Variants in AKAP19 observed in about 807,000 individuals in gnomAD.
AKAP19 encodes small A-kinase anchoring protein.
the AKAP19 span, among the ~76,000 whole-genome samples, chr2:190,042,812 G>A: frequency 6.6e-6 from 1 of 152,210 alleles, no homozygotes; most frequent in South Asian, 2.1e-4. Context: ...GTATAAGTGT[G>A]TTAAGGTATT....
chr2:190,082,000 C>T, the AKAP19 span, among the ~76,000 whole-genome samples: 1 of 152,156 alleles, frequency 6.6e-6, no homozygotes. Context: ...ACTGATACAG[C>T]TATCCACCTG....
At chr2:190,115,567 C>T in the AKAP19 span, among the ~76,000 whole-genome samples, 1 of 150,658 alleles carries the variant, frequency 6.6e-6, no homozygotes, top group Non-Finnish European at 1.5e-5. Context: ...GATCCGCCCG[C>T]CTCGGCCTCC....
chr2:189,970,858 A>G, the AKAP19 span, among the ~76,000 whole-genome samples: 5 of 152,212 alleles, frequency 3.3e-5, no homozygotes, highest in Non-Finnish European at 7.3e-5. Flanking sequence ...TCAGACATTT[A>G]CAAATTTGTC....
chr2:190,023,196 C>A, the AKAP19 span, among the ~76,000 whole-genome samples: 2 of 152,054 alleles, frequency 1.3e-5, no homozygotes, highest in East Asian at 3.9e-4. Flanking sequence ...TTGTAAACTG[C>A]AAAATTATGT....
the AKAP19 span, among the ~76,000 whole-genome samples, chr2:190,115,673 GT>G: frequency 2.6e-5 from 4 of 152,120 alleles, no homozygotes; most frequent in African/African-American, 9.6e-5. Context: ...CCTTTCAAGG[GT>G]CTACTTCTCC....
the AKAP19 span, among the ~76,000 whole-genome samples, chr2:190,070,624 C>CGGTT: frequency 2.9e-5 from 4 of 137,014 alleles, no homozygotes; most frequent in African/African-American, 1.1e-4. Flanking sequence ...TCCCCCCCCC[C>CGGTT]TTTTTTTTTG....
the AKAP19 span, chr2:190,200,331 T>TTTCTGTTTAGTCTTAGATTTTAGTCATC: frequency 6.7e-6 from 4 of 596,518 alleles, no homozygotes; most frequent in Non-Finnish European, 6.0e-6. Context: ...TTAACAGCAA[T>TTTCTGTTTAGTCTTAGATTTTAGTCATC]TTCTGTTTAG....
At chr2:189,926,508 G>C in the AKAP19 span, among the ~76,000 whole-genome samples, 1 of 150,484 alleles carries the variant, frequency 6.6e-6, no homozygotes, top group Admixed American at 6.7e-5. Flanking sequence ...GGGTGGTCTC[G>C]ATCTGCTGAC....
chr2:190,152,118 G>A, the AKAP19 span, among the ~76,000 whole-genome samples: 2 of 151,998 alleles, frequency 1.3e-5, no homozygotes, highest in African/African-American at 4.8e-5. Context: ...GAGGTCAGGA[G>A]TTTGAGACCA....
At chr2:190,100,304 C>A in the AKAP19 span, among the ~76,000 whole-genome samples, 2 of 151,932 alleles carry the variant, frequency 1.3e-5, no homozygotes, top group African/African-American at 4.8e-5. Context: ...ATCATGCTGA[C>A]TATGTGGAAG....
At chr2:190,038,930 T>A in the AKAP19 span, among the ~76,000 whole-genome samples, 1 of 144,078 alleles carries the variant, frequency 6.9e-6, no homozygotes, top group South Asian at 2.2e-4. Context: ...TTCTTCTTCT[T>A]CTTCTTCTTC....
At chr2:190,013,276 T>G in the AKAP19 span, among the ~76,000 whole-genome samples, 1 of 152,200 alleles carries the variant, frequency 6.6e-6, no homozygotes, top group Non-Finnish European at 1.5e-5. Context: ...TTATTACTGA[T>G]TCAATCTCTT....
At chr2:189,999,905 A>C in the AKAP19 span, among the ~76,000 whole-genome samples, 2 of 152,324 alleles carry the variant, frequency 1.3e-5, no homozygotes, top group South Asian at 4.1e-4. Flanking sequence ...AAGCCTCTGA[A>C]CTAGTCTCGT....
the AKAP19 span, among the ~76,000 whole-genome samples, chr2:190,066,880 C>G: frequency 6.6e-6 from 1 of 152,090 alleles, no homozygotes; most frequent in Non-Finnish European, 1.5e-5. Flanking sequence ...TGGCACTATG[C>G]TAGATTCTGA....
the AKAP19 span, among the ~76,000 whole-genome samples, chr2:189,982,566 C>A: frequency 2.0e-5 from 3 of 151,818 alleles, no homozygotes; most frequent in Non-Finnish European, 4.4e-5. Flanking sequence ...GACACTTTGA[C>A]TTTTTGTACT....
At chr2:189,936,071 G>A in the AKAP19 span, among the ~76,000 whole-genome samples, 1 of 152,038 alleles carries the variant, frequency 6.6e-6, no homozygotes, top group African/African-American at 2.4e-5. Flanking sequence ...TAAAATAATG[G>A]ATATTTTCTA....
At chr2:190,175,769 A>C in the AKAP19 span, among the ~76,000 whole-genome samples, 1 of 152,238 alleles carries the variant, frequency 6.6e-6, no homozygotes, top group Non-Finnish European at 1.5e-5. Context: ...AGAGCTTTTA[A>C]GCATATCATG....
chr2:189,994,213 T>C, the AKAP19 span, among the ~76,000 whole-genome samples: 9 of 152,124 alleles, frequency 5.9e-5, no homozygotes. Flanking sequence ...GGTTTCACTA[T>C]GTTGGCCAGG....
At chr2:190,022,872 C>G in the AKAP19 span, among the ~76,000 whole-genome samples, 1 of 151,758 alleles carries the variant, frequency 6.6e-6, no homozygotes, top group Non-Finnish European at 1.5e-5. Flanking sequence ...TTTCATTATG[C>G]TGGTTCTAGG....
Sources: gnomAD v4.1 joint callset for allele counts (sites outside exome capture counted in the v4.1 genomes callset) on GRCh38, gnomAD v4.1.1 for gene constraint, MANE v1.5 for transcripts, NCBI Gene and HGNC (gene_info 2026-07-23, HGNC 2026-07-21) for gene names.